Variants in MYOM1 observed in about 807,000 individuals in gnomAD.
The protein encoded by MYOM1 is myomesin 1, also known as myomesin-1.
MYOM1 carries 164 observed loss-of-function variants against 205.3 expected under a neutral mutation model. The observed-to-expected ratio is 0.80, with a 90% confidence interval of 0.70 to 0.91. The LOEUF is 0.91. MYOM1 is among the 40% of genes least tolerant of loss of function. MYOM1 has a pLI of 0.00. For synonymous variants in MYOM1, 772 were observed against 789.4 expected, an observed-to-expected ratio of 0.98 and a Z score of 0.37; for missense variants, 2,011 against 2,127.3, an observed-to-expected ratio of 0.95 and a Z score of 1.08.
the MYOM1 span, among the ~76,000 whole-genome samples, chr18:3,230,435 C>G: frequency 1.3e-5 from 2 of 152,232 alleles, no homozygotes; most frequent in Non-Finnish European, 2.9e-5. Flanking sequence ...TTCTGAGTGA[C>G]AGATGAAAAA....
rs112851581 is a variant in MYOM1 at position 3,067,834 on chromosome 18, T to C, written c.4765-279A>G. Among the ~76,000 whole-genome samples the C allele has an allele frequency of 3.4e-3, 516 of 152,340 alleles. 3 individuals carry two copies. Among genetic ancestry groups the C allele is most frequent in the African/African-American group, 0.012 (497 of 41,582 alleles). On this transcript the variant is annotated intron_variant, in intron 37 of 37. Coordinates refer to ENST00000356443, the MANE Select transcript of MYOM1 (RefSeq NM_003803.4). The stretch of plus-strand genomic sequence containing the variant: ...TATCAAAAACACACGAAAGAGTTTA[T>C]GTCTATTCCCCATTTTCACTTTCTC...
intron 2 of MYOM1, among the ~76,000 whole-genome samples, chr18:3,206,554 C>T (rs28393833): frequency 0.22 from 33,525 of 152,074 alleles, 3,830 homozygotes; most frequent in African/African-American, 0.29. Context: ...ATTTCCTCTT[C>T]GCAAAACCTG....
intron 26 of MYOM1, chr18:3,093,431 T>C (rs1431505459): frequency 6.6e-6 from 1 of 152,160 alleles, no homozygotes; most frequent in Non-Finnish European, 1.5e-5. Context: ...ATGTTTATGT[T>C]AAAAGGAAAG....
chr18:3,083,817 C>A lies in MYOM1; in HGVS notation c.4456G>T (p.Glu1486Ter). 1 of 1,576,446 alleles carries A rather than the reference C, an allele frequency of 6.3e-7. No homozygotes were observed. The highest frequency in any genetic ancestry group is 2.3e-5 in the East Asian group (1 of 43,450). The change falls in exon 33 of 38, where the codon GAG becomes TAG. Residue 1486 changes from glutamate (E) to a stop codon, truncating the protein, a stop_gained. Coordinates refer to ENST00000356443, the MANE Select transcript of MYOM1 (RefSeq NM_003803.4). LOFTEE classifies it high-confidence loss of function. ...TGGGACCAGTTAACTTTCAAATCCT[C>A]CACATAGTAAGTTACAAAAGAGTAC... The part of the protein sequence containing the change: ...QLYSFVTYYV[E>*]DLKVNWSHNG...
intron 13 of MYOM1, among the ~76,000 whole-genome samples, chr18:3,145,384 A>T (rs2080110702): frequency 6.6e-6 from 1 of 152,198 alleles, no homozygotes; most frequent in African/African-American, 2.4e-5. Flanking sequence ...TCTGGACCAT[A>T]AAACAAGTTC....
intron 8 of MYOM1, 33 bp downstream of exon 8, chr18:3,173,905 G>A (rs755509426): frequency 2.5e-6 from 4 of 1,580,656 alleles, no homozygotes; most frequent in Non-Finnish European, 1.7e-6. Flanking sequence ...TTTACATAGA[G>A]GTGACACTTA....
At chr18:3,193,351 T>TAC (rs1255014689) in intron 3 of MYOM1, among the ~76,000 whole-genome samples, 1 of 105,864 alleles carries the variant, frequency 9.4e-6, no homozygotes, top group African/African-American at 3.4e-5. Flanking sequence ...CATATACATA[T>TAC]ATATATATAT....
At position 3,193,943 on chromosome 18, in the gene MYOM1, A is replaced by G; in HGVS notation, c.306T>C (p.Ser102=). ...YGSSHGLTDS[S]LLLDDYSSKL... ...TGGATGAATAATCATCTAACAGCAG[A>G]CTGGAATCTGTAAGTCTGAAATAAA... The change falls in exon 3 of 38, where the codon AGT becomes AGC. Residue 102 remains serine (S), a synonymous_variant. Coordinates refer to ENST00000356443, the MANE Select transcript of MYOM1 (RefSeq NM_003803.4). 6.2e-7 allele frequency: 1 copy of G among 1,613,632 alleles called. No individual in the cohort carries two copies. Among genetic ancestry groups the G allele is most frequent in the Non-Finnish European group, 8.5e-7 (1 of 1,179,700 alleles).
At chr18:3,073,233 C>T (rs1371820103) in intron 36 of MYOM1, among the ~76,000 whole-genome samples, 1 of 152,072 alleles carries the variant, frequency 6.6e-6, no homozygotes, top group Non-Finnish European at 1.5e-5. Flanking sequence ...GGTGAGGGGA[C>T]GAGGCACAGG....
At position 3,179,736 on chromosome 18, in the gene MYOM1, C is replaced by T. The variant is rs937692033; in HGVS notation, c.930-3602G>A. ...CTGGCCACTTCTAATCTCCCGCATT[C>T]CCCGTTTAGATGAAGTACAGGGTAG... is the stretch of plus-strand genomic sequence containing the variant. On this transcript the variant is annotated intron_variant, in intron 5 of 37. Coordinates refer to ENST00000356443, the MANE Select transcript of MYOM1 (RefSeq NM_003803.4). This position sits in a 1 kb window ranked among gnomAD's most constrained non-coding sequence, Gnocchi z 4.4. 9.2e-5 allele frequency among the ~76,000 whole-genome samples: 14 copies of T among 152,186 alleles called. No homozygotes were observed. Among genetic ancestry groups the T allele is most frequent in the African/African-American group, 3.4e-4 (14 of 41,444 alleles).
Position 3,126,156 on chromosome 18 carries a change from T to C in MYOM1, c.2991+545A>G, listed in dbSNP as rs554205136. On this transcript the variant is annotated intron_variant, in intron 19 of 37. Coordinates refer to ENST00000356443, the MANE Select transcript of MYOM1 (RefSeq NM_003803.4). ...GGCTTTCACTTGCAATCCCAGCTAC[T>C]CAGGAGGCTGAGGCAGGAGAATCAC... Among the ~76,000 whole-genome samples the C allele has an allele frequency of 1.3e-3, 198 of 151,258 alleles. 10 individuals are homozygous for C. The South Asian group carries it at 0.04, about 30-fold the overall frequency.
chr18:3,157,517 A>G (rs1007612470), intron 10 of MYOM1, among the ~76,000 whole-genome samples: 4 of 151,740 alleles, frequency 2.6e-5, no homozygotes, highest in Non-Finnish European at 4.4e-5. Context: ...GTCTCTATGC[A>G]TTTTAAAAAA....
chr18:3,110,731 CTTT>C (rs1399289596), intron 22 of MYOM1, among the ~76,000 whole-genome samples: 1 of 44,522 alleles, frequency 2.2e-5, no homozygotes, highest in African/African-American at 8.8e-5. Context: ...CTAAGAGATT[CTTT>C]TTTTTCTTTT....
chr18:3,139,642 T>C (rs2080021533), intron 14 of MYOM1, among the ~76,000 whole-genome samples: 1 of 152,226 alleles, frequency 6.6e-6, no homozygotes, highest in African/African-American at 2.4e-5. Context: ...GACATTTGGA[T>C]GGTTCTGCAA....
chr18:3,104,818 T>A (rs927662557), intron 22 of MYOM1, among the ~76,000 whole-genome samples: 6 of 141,744 alleles, frequency 4.2e-5, no homozygotes, highest in Admixed American at 1.6e-4. Flanking sequence ...AGTGGTGTGA[T>A]CTTGCCTCGC....
At chr18:3,067,578 G>T in intron 37 of MYOM1, 23 bp from the exon 38 acceptor site, 1 of 1,601,188 alleles carries the variant, frequency 6.2e-7, no homozygotes, top group South Asian at 1.1e-5. Flanking sequence ...TTTTATGGGA[G>T]AGAAGAAGAT....
In MYOM1 at chr18:3,194,009, T is replaced by C. The variant is rs370541280; in HGVS notation, c.291-51A>G. 27 of 1,584,122 alleles carry C rather than the reference T, an allele frequency of 1.7e-5. No homozygotes were observed. In the South Asian group the frequency reaches 2.8e-4, roughly 16 times the overall value. On this transcript the variant is annotated intron_variant, in intron 2 of 37. Coordinates refer to ENST00000356443, the MANE Select transcript of MYOM1 (RefSeq NM_003803.4). ...CAGTAACAAAAAAAGGCATTTACAA[T>C]ATTCAAAATACGATAGAGGAAGTTT...
chr18:3,067,653 G>T, intron 37 of MYOM1, 98 bp from the exon 38 acceptor site: 1 of 1,350,798 alleles, frequency 7.4e-7, no homozygotes, highest in Non-Finnish European at 1.0e-6. Flanking sequence ...TGACCAAAGG[G>T]AGGATAAGTA....
intron 29 of MYOM1, among the ~76,000 whole-genome samples, chr18:3,087,473 G>C (rs1013682324): frequency 6.6e-6 from 1 of 151,158 alleles, no homozygotes; most frequent in Non-Finnish European, 1.5e-5. Flanking sequence ...TGCAAGCTAG[G>C]GTTCCTCCTA....
Sources: allele counts gnomAD v4.1 joint callset (sites outside exome capture counted in the v4.1 genomes callset), GRCh38; gene constraint gnomAD v4.1.1; non-coding constraint Gnocchi (gnomAD v3.1); transcripts MANE v1.5; gene names NCBI Gene and HGNC (gene_info 2026-07-23, HGNC 2026-07-21).